The following TP63 variants were observed in gnomAD, a reference collection of about 807,000 sequenced individuals.
The protein encoded by TP63 is tumor protein p63, also known as tumor protein 63.
A neutral mutation model predicts 82.8 loss-of-function variants in TP63; 17 were observed. The observed-to-expected ratio is 0.21, with a 90% CI of 0.14 to 0.31. TP63 has a LOEUF of 0.31. Among genes scored for constraint, TP63 ranks in the 10% least tolerant of loss-of-function variants. The pLI is 1.00. For missense variants in TP63, 648 were observed against 895.3 expected, an observed-to-expected ratio of 0.72 and a Z score of 3.52; for synonymous variants, 330 against 321.7, an observed-to-expected ratio of 1.03 and a Z score of -0.28.
chr3:189,809,716 A>G (rs1191010535), intron 4 of TP63, among the ~76,000 whole-genome samples: 1 of 152,170 alleles, frequency 6.6e-6, no homozygotes, highest in South Asian at 2.1e-4. Flanking sequence ...TCCAGCCTTT[A>G]GTTTGTATAG....
intron 1 of TP63, among the ~76,000 whole-genome samples, chr3:189,656,627 T>C (rs1713389898): frequency 6.6e-6 from 1 of 152,074 alleles, no homozygotes; most frequent in Non-Finnish European, 1.5e-5. Context: ...AAAACTCACT[T>C]TAAATACAAG....
intron 10 of TP63, among the ~76,000 whole-genome samples, chr3:189,878,634 G>A (rs867751946): frequency 1.4e-5 from 2 of 147,490 alleles, no homozygotes; most frequent in Admixed American, 6.8e-5. Context: ...TCACCATGTT[G>A]GCCAGGCTGG....
intron 3 of TP63, among the ~76,000 whole-genome samples, chr3:189,766,385 C>T (rs761634222): frequency 7.9e-5 from 12 of 151,850 alleles, no homozygotes; most frequent in Non-Finnish European, 1.3e-4. Flanking sequence ...GCTACATTTA[C>T]ATATCTGAAA....
chr3:189,859,905 A>G (rs1295210907), intron 4 of TP63, among the ~76,000 whole-genome samples: 1 of 152,228 alleles, frequency 6.6e-6, no homozygotes. Context: ...TTCCATTTAC[A>G]TAAAATTCTG....
chr3:189,719,829 A>G (rs774047508), intron 1 of TP63, among the ~76,000 whole-genome samples: 3 of 152,174 alleles, frequency 2.0e-5, no homozygotes, highest in Non-Finnish European at 4.4e-5. Flanking sequence ...ATGAACTTTA[A>G]AAAGCAAATT....
intron 3 of TP63, among the ~76,000 whole-genome samples, chr3:189,743,056 A>G (rs1181559092): frequency 1.3e-5 from 2 of 152,192 alleles, no homozygotes; most frequent in Non-Finnish European, 1.5e-5. Context: ...GTTTATATTA[A>G]AAAGACATAA....
intron 3 of TP63, among the ~76,000 whole-genome samples, chr3:189,767,670 C>T (rs1293795211): frequency 6.6e-6 from 1 of 152,080 alleles, no homozygotes; most frequent in East Asian, 1.9e-4. Context: ...GTTGGAAAAC[C>T]GTGAGTCTCA....
rs531411257 is a variant in TP63, at chr3:189,787,885, G to A, written c.325-20387G>A. Among the ~76,000 whole-genome samples, 7 of 152,126 alleles carry A rather than the reference G, an allele frequency of 4.6e-5. No homozygotes were observed. The South Asian group carries it at 1.4e-3, about 31-fold the overall frequency. On this transcript the variant is annotated intron_variant, in intron 3 of 13. Transcript: ENST00000264731. Reference sequence around the variant, plus strand: ...TAACCCTGCAGAGTCTGATTCAGGAGGTCTGGGGCCACGTCCAGAAATCTG... The same window carrying A: ...TAACCCTGCAGAGTCTGATTCAGGAAGTCTGGGGCCACGTCCAGAAATCTG...
At chr3:189,774,839 T>C (rs1219683343) in intron 3 of TP63, among the ~76,000 whole-genome samples, 2 of 152,330 alleles carry the variant, frequency 1.3e-5, no homozygotes, top group African/African-American at 2.4e-5. Context: ...TGAAGTACTG[T>C]ACAAAATGTT....
chr3:189,856,475 C>T (rs1416625044), intron 4 of TP63, among the ~76,000 whole-genome samples: 1 of 151,760 alleles, frequency 6.6e-6, no homozygotes, highest in Admixed American at 6.6e-5. Flanking sequence ...ATATATGATT[C>T]TAGTTCAAAA....
intron 6 of TP63, among the ~76,000 whole-genome samples, chr3:189,867,051 A>G (rs1365913140): frequency 6.6e-6 from 1 of 152,208 alleles, no homozygotes; most frequent in East Asian, 1.9e-4. Flanking sequence ...GCAGATAACA[A>G]TTGAACTGGC....
chr3:189,664,140 C>T (rs1405389040), intron 1 of TP63, among the ~76,000 whole-genome samples: 1 of 151,908 alleles, frequency 6.6e-6, no homozygotes, highest in Non-Finnish European at 1.5e-5. Context: ...ATATTTTTGT[C>T]ATCTTTCCTA....
intron 1 of TP63, among the ~76,000 whole-genome samples, chr3:189,651,269 G>C (rs1246645778): frequency 1.4e-5 from 2 of 147,132 alleles, no homozygotes; most frequent in Admixed American, 1.3e-4. Context: ...GGCAGAGCCA[G>C]GTGCAGTGGC....
Position 189,631,567 on chromosome 3 carries a change from T to TA in TP63, c.53dup (p.Tyr18Ter). The TA allele has an allele frequency of 6.2e-7, 1 of 1,612,872 alleles. No individual in the cohort carries two copies. The highest frequency in any genetic ancestry group is 8.5e-7 in the Non-Finnish European group (1 of 1,179,090). The change falls in exon 1 of 14, where the codon TAC (tyrosine) becomes TAAC (stop). Residue 18 changes from tyrosine (Y) to a stop codon, truncating the protein, a stop_gained and frameshift_variant. Transcript: ENST00000264731. LOFTEE classifies it high-confidence loss of function. Reference sequence around the variant, plus strand: ...CACCCTACAGTACTGCCCTGACCCTTACATCCAGCGGTGAGTTTGAATGTG... The same window carrying TA: ...CACCCTACAGTACTGCCCTGACCCTTAACATCCAGCGGTGAGTTTGAATGTG... ...CATLQYCPDPYIQRFVETPAH... is the reference protein window; with the variant it reads ...CATLQYCPDP
intron 5 of TP63, among the ~76,000 whole-genome samples, chr3:189,865,418 G>T (rs758237451): frequency 2.6e-5 from 4 of 152,158 alleles, no homozygotes; most frequent in Non-Finnish European, 5.9e-5. Context: ...AATGCCAAGA[G>T]TTCCCTTAGA....
intron 1 of TP63, among the ~76,000 whole-genome samples, chr3:189,671,230 G>T (rs1246830402): frequency 1.3e-5 from 2 of 151,876 alleles, no homozygotes; most frequent in East Asian, 3.9e-4. Flanking sequence ...CAAGGGATTT[G>T]GATAAACATT....
intron 4 of TP63, among the ~76,000 whole-genome samples, chr3:189,830,722 G>T (rs748381905): frequency 2.0e-5 from 3 of 152,022 alleles, no homozygotes; most frequent in Non-Finnish European, 4.4e-5. Context: ...GACAAATAAA[G>T]GCCCATAATT....
At chr3:189,834,178 C>T (rs1351417320) in intron 4 of TP63, among the ~76,000 whole-genome samples, 3 of 152,056 alleles carry the variant, frequency 2.0e-5, no homozygotes, top group Non-Finnish European at 4.4e-5. Flanking sequence ...TGGCCTGCAG[C>T]GCTTATGTAG....
At chr3:189,700,458 C>T (rs1485881298) in intron 1 of TP63, among the ~76,000 whole-genome samples, 1 of 152,076 alleles carries the variant, frequency 6.6e-6, no homozygotes, top group Admixed American at 6.6e-5. Context: ...ATTAATATCC[C>T]AAAATTGCGT....
Sources: allele counts gnomAD v4.1 joint callset (sites outside exome capture counted in the v4.1 genomes callset), GRCh38; gene constraint gnomAD v4.1.1; transcripts MANE v1.5; gene names NCBI Gene and HGNC (gene_info 2026-07-23, HGNC 2026-07-21).